The following SLC35F3 variants were observed in gnomAD, a reference collection of about 807,000 sequenced individuals.
SLC35F3 encodes the protein solute carrier family 35 member F3.
SLC35F3 carries 25 observed loss-of-function variants against 49.9 expected under a neutral mutation model. The ratio of observed to expected loss-of-function variants is 0.50; its 90% CI spans 0.37 to 0.70. SLC35F3 has a LOEUF of 0.70. SLC35F3 is among the 30% of genes least tolerant of loss of function. The pLI is 0.00. For synonymous variants in SLC35F3, 275 were observed against 265.4 expected (o/e 1.04, Z -0.35); for missense variants, 525 against 639.8 (o/e 0.82, Z 1.94).
At chr1:234,232,519 C>CAAAAAAAAAAAAA (rs536692686) in intron 3 of SLC35F3, among the ~76,000 whole-genome samples, 8 of 72,352 alleles carry the variant, frequency 1.1e-4, no homozygotes, top group Non-Finnish European at 1.5e-4. Context: ...CAGGCCTAGT[C>CAAAAAAAAAAAAA]AAAAAAAAAA....
At chr1:234,002,481 A>C (rs1338160606) in intron 2 of SLC35F3, among the ~76,000 whole-genome samples, 1 of 152,168 alleles carries the variant, frequency 6.6e-6, no homozygotes, top group Non-Finnish European at 1.5e-5. Context: ...ACTGTCTCAC[A>C]GTAGGAATTT....
At chr1:234,280,909 C>T (rs1177229591) in intron 3 of SLC35F3, among the ~76,000 whole-genome samples, 1 of 152,172 alleles carries the variant, frequency 6.6e-6, no homozygotes, top group Non-Finnish European at 1.5e-5. Context: ...CTCATCCCAA[C>T]CAGAATGCTG....
At chr1:234,078,189 G>T (rs1252865083) in intron 2 of SLC35F3, among the ~76,000 whole-genome samples, 2 of 152,030 alleles carry the variant, frequency 1.3e-5, no homozygotes, top group Non-Finnish European at 2.9e-5. Context: ...CATTTAAATT[G>T]GTCTTAAGTC....
chr1:234,210,634 T>A (rs1421463112), intron 2 of SLC35F3, among the ~76,000 whole-genome samples: 1 of 152,208 alleles, frequency 6.6e-6, no homozygotes, highest in Non-Finnish European at 1.5e-5. Context: ...ATTTAGGTTA[T>A]CTGGCAGAAG....
intron 2 of SLC35F3, among the ~76,000 whole-genome samples, chr1:233,915,153 A>G (rs956749994): frequency 3.3e-5 from 5 of 152,210 alleles, no homozygotes; most frequent in Non-Finnish European, 5.9e-5. Flanking sequence ...CTCCTTGTCA[A>G]TCTGCTATCT....
chr1:234,220,344 T>A (rs1452491631), intron 2 of SLC35F3, among the ~76,000 whole-genome samples: 1 of 152,086 alleles, frequency 6.6e-6, no homozygotes. Context: ...GTGTGTCATA[T>A]TGAAGGTATA....
At chr1:234,290,342 T>C (rs1003463675) in intron 3 of SLC35F3, among the ~76,000 whole-genome samples, 2 of 152,188 alleles carry the variant, frequency 1.3e-5, no homozygotes, top group African/African-American at 4.8e-5. Flanking sequence ...TGATATGATA[T>C]AAATTTTTAG....
chr1:234,048,081 T>C (rs991720810), intron 2 of SLC35F3, among the ~76,000 whole-genome samples: 2 of 152,108 alleles, frequency 1.3e-5, no homozygotes, highest in African/African-American at 2.4e-5. Flanking sequence ...CTGAATTGTG[T>C]TCTAGTGGAA....
chr1:234,201,374 A>G (rs1481058719), intron 2 of SLC35F3, among the ~76,000 whole-genome samples: 3 of 152,188 alleles, frequency 2.0e-5, no homozygotes, highest in Non-Finnish European at 2.9e-5. Context: ...AACTAGCTCC[A>G]TGGGTGGTCG....
intron 2 of SLC35F3, among the ~76,000 whole-genome samples, chr1:233,975,869 G>C (rs561529602): frequency 6.6e-6 from 1 of 152,320 alleles, no homozygotes; most frequent in Admixed American, 6.5e-5. Flanking sequence ...CTGCTCCTCT[G>C]TTTCCAGAAA....
At chr1:234,003,070 A>G (rs1663577682) in intron 2 of SLC35F3, among the ~76,000 whole-genome samples, 1 of 151,730 alleles carries the variant, frequency 6.6e-6, no homozygotes, top group South Asian at 2.1e-4. Flanking sequence ...CACATTTTGT[A>G]TGTTTCCTGC....
rs1187865900 is a variant in SLC35F3, at chr1:234,209,244, CT to C, written c.284-22164del. On this transcript the variant is annotated intron_variant, in intron 2 of 7. Transcript: ENST00000366618. ...CTCTTTTTTGGAAGAATTATTAGCA[CT>C]TTTTTTTTGGAATGTGAGATTTGAG... Among the ~76,000 whole-genome samples the C allele has an allele frequency of 9.3e-5, 14 of 150,952 alleles. No homozygotes were observed. The East Asian group carries it at 2.1e-3, about 23-fold the overall frequency.
At chr1:234,088,739 A>G (rs755618503) in intron 2 of SLC35F3, among the ~76,000 whole-genome samples, 1 of 152,110 alleles carries the variant, frequency 6.6e-6, no homozygotes, top group East Asian at 1.9e-4. Context: ...GTCATAAGGA[A>G]TGTTACAGAA....
At chr1:234,002,078 T>A (rs965767964) in intron 2 of SLC35F3, among the ~76,000 whole-genome samples, 1 of 152,192 alleles carries the variant, frequency 6.6e-6, no homozygotes. Flanking sequence ...ACTTTCAGCA[T>A]GAACAGAGAG....
chr1:233,920,650 A>T (rs1369572923), intron 2 of SLC35F3, among the ~76,000 whole-genome samples: 4 of 152,246 alleles, frequency 2.6e-5, no homozygotes, highest in Non-Finnish European at 5.9e-5. Context: ...AAGCAAAAGA[A>T]TATGGCACAT....
rs550265533 is a variant in SLC35F3 at position 234,136,130 on chromosome 1, A to G, written c.284-95287A>G. ...CTTAGGAAGCCTTCCCTGAAACCCAAGTACAGCTTAGCTTTTCCCCATAGC... is the reference window on the plus strand; with the variant it reads ...CTTAGGAAGCCTTCCCTGAAACCCAGGTACAGCTTAGCTTTTCCCCATAGC... On this transcript the variant is annotated intron_variant, in intron 2 of 7. Coordinates refer to ENST00000366618, the MANE Select transcript of SLC35F3 (RefSeq NM_173508.4). 8.5e-5 allele frequency among the ~76,000 whole-genome samples: 13 copies of G among 152,230 alleles called. No homozygotes were observed. In the East Asian group the frequency reaches 2.5e-3, roughly 29 times the overall value.
chr1:233,931,876 A>G (rs1181987299), intron 2 of SLC35F3, among the ~76,000 whole-genome samples: 2 of 152,240 alleles, frequency 1.3e-5, no homozygotes, highest in Non-Finnish European at 2.9e-5. Context: ...CACAATAGCA[A>G]AGACTTGGAA....
At chr1:234,015,903 T>C (rs1208261342) in intron 2 of SLC35F3, among the ~76,000 whole-genome samples, 1 of 152,142 alleles carries the variant, frequency 6.6e-6, no homozygotes, top group Non-Finnish European at 1.5e-5. Flanking sequence ...GCCATACATC[T>C]GATAAGGGGT....
At chr1:234,277,575 G>A (rs1373410995) in intron 3 of SLC35F3, among the ~76,000 whole-genome samples, 1 of 152,174 alleles carries the variant, frequency 6.6e-6, no homozygotes, top group Non-Finnish European at 1.5e-5. Flanking sequence ...CATTGGAAGT[G>A]GGTTTGTGTT....
Sources: gnomAD v4.1 joint callset for allele counts (sites outside exome capture counted in the v4.1 genomes callset) on GRCh38, gnomAD v4.1.1 for gene constraint, MANE v1.5 for transcripts, NCBI Gene and HGNC (gene_info 2026-07-23, HGNC 2026-07-21) for gene names.